The following KLF8 variants were observed in gnomAD, a reference collection of about 807,000 sequenced individuals.
KLF8 encodes Krueppel-like factor 8.
Under a neutral mutation model 18.2 loss-of-function variants are expected in KLF8, and 10 were observed. The observed-to-expected ratio is 0.55, with a 90% CI of 0.34 to 0.93. KLF8 has a LOEUF of 0.93. KLF8 is among the 40% of genes least tolerant of loss of function. KLF8 has a pLI of 0.02. For missense variants in KLF8, 264 were observed against 277.9 expected, an observed-to-expected ratio of 0.95 and a Z score of 0.36; for synonymous variants, 109 against 97.3, an observed-to-expected ratio of 1.12 and a Z score of -0.71.
chrX:56,182,724 T>C, the KLF8 span, among the ~76,000 whole-genome samples: 4 of 112,749 alleles, frequency 3.5e-5, no homozygotes, highest in East Asian at 2.8e-4. Flanking sequence ...TTGGAGTTTG[T>C]AGGAGGTCCC....
At chrX:56,053,739 G>T in the KLF8 span, among the ~76,000 whole-genome samples, 1 of 109,477 alleles carries the variant, frequency 9.1e-6, no homozygotes, top group African/African-American at 3.3e-5. Flanking sequence ...TCTTGGGAGG[G>T]TGTATGTGTC....
At chrX:56,207,846 A>G in the KLF8 span, among the ~76,000 whole-genome samples, 1 of 110,351 alleles carries the variant, frequency 9.1e-6, no homozygotes, top group African/African-American at 3.3e-5. Flanking sequence ...GTCTGTTCTC[A>G]TGCTGCTTAC....
chrX:56,128,454 G>T, the KLF8 span, among the ~76,000 whole-genome samples: 1 of 111,405 alleles, frequency 9.0e-6, no homozygotes, highest in Non-Finnish European at 1.9e-5. Flanking sequence ...CAGAGCTTTG[G>T]CAGAAAAATC....
the KLF8 span, among the ~76,000 whole-genome samples, chrX:56,154,462 A>T: frequency 2.7e-5 from 3 of 112,008 alleles, no homozygotes; most frequent in African/African-American, 9.8e-5. Flanking sequence ...TTCAAGATGG[A>T]TGAAAGACTT....
chrX:56,264,258 GT>G (rs758358647), intron 2 of KLF8, among the ~76,000 whole-genome samples: 3 of 109,602 alleles, frequency 2.7e-5, no homozygotes, highest in East Asian at 5.7e-4. Flanking sequence ...TCATTTATTA[GT>G]TTTTTAAAAA....
At chrX:56,013,244 C>G in the KLF8 span, among the ~76,000 whole-genome samples, 23 of 112,571 alleles carry the variant, frequency 2.0e-4, no homozygotes, top group Non-Finnish European at 3.9e-4. Flanking sequence ...TGGATGGGGC[C>G]TGTAGCCCCT....
chrX:56,154,112 C>T, the KLF8 span, among the ~76,000 whole-genome samples: 1 of 111,026 alleles, frequency 9.0e-6, no homozygotes, highest in African/African-American at 3.3e-5. Flanking sequence ...AAAAAAGAGC[C>T]CACATCGCCA....
At chrX:56,187,411 C>A in the KLF8 span, among the ~76,000 whole-genome samples, 1 of 111,557 alleles carries the variant, frequency 9.0e-6, no homozygotes. Flanking sequence ...AGTCCACGAC[C>A]AGATGAATTC....
chrX:55,991,579 C>T, the KLF8 span, among the ~76,000 whole-genome samples: 5 of 111,451 alleles, frequency 4.5e-5, no homozygotes, highest in East Asian at 8.5e-4. Flanking sequence ...AGAAATCACC[C>T]GTCTTCTGTG....
At chrX:56,270,603 C>A (rs1031210058) in intron 5 of KLF8, among the ~76,000 whole-genome samples, 6 of 111,091 alleles carry the variant, frequency 5.4e-5, no homozygotes, top group Non-Finnish European at 9.4e-5. Context: ...AATCTGGTGT[C>A]TTAATAGTCA....
the KLF8 span, among the ~76,000 whole-genome samples, chrX:56,082,967 C>G: frequency 1.8e-5 from 2 of 112,084 alleles, no homozygotes; most frequent in Non-Finnish European, 3.8e-5. Context: ...AAGACTCTGT[C>G]TTTGACTTTT....
chrX:56,101,051 T>C, the KLF8 span, among the ~76,000 whole-genome samples: 1 of 111,352 alleles, frequency 9.0e-6, no homozygotes, highest in Non-Finnish European at 1.9e-5. Flanking sequence ...GTTTGGGATA[T>C]GGATGATTCT....
chrX:56,107,628 C>T, the KLF8 span, among the ~76,000 whole-genome samples: 1 of 111,536 alleles, frequency 9.0e-6, no homozygotes, highest in Non-Finnish European at 1.9e-5. Flanking sequence ...AAGTCTGTCA[C>T]GGAGTCCCTT....
intron 5 of KLF8, among the ~76,000 whole-genome samples, chrX:56,278,318 G>T (rs770717963): frequency 9.0e-6 from 1 of 111,286 alleles, no homozygotes; most frequent in South Asian, 3.8e-4. Context: ...TACTACCTAA[G>T]TTTTGCTACT....
the KLF8 span, among the ~76,000 whole-genome samples, chrX:55,987,327 T>A: frequency 1.8e-5 from 2 of 110,667 alleles, no homozygotes; most frequent in African/African-American, 6.6e-5. Flanking sequence ...ATTAGGTATA[T>A]CTCCTAATGC....
the KLF8 span, among the ~76,000 whole-genome samples, chrX:56,058,444 C>G: frequency 9.9e-6 from 1 of 101,123 alleles, no homozygotes; most frequent in South Asian, 4.8e-4. Flanking sequence ...CACCCATCAG[C>G]CCGTCACCTA....
chrX:56,045,837 C>T, the KLF8 span, among the ~76,000 whole-genome samples: 1 of 110,662 alleles, frequency 9.0e-6, no homozygotes, highest in Non-Finnish European at 1.9e-5. Flanking sequence ...GGTACATGAC[C>T]ATATCATCAG....
chrX:56,033,723 A>T, the KLF8 span, among the ~76,000 whole-genome samples: 1 of 111,658 alleles, frequency 9.0e-6, no homozygotes. Flanking sequence ...AGGTTATATT[A>T]TATTGTGGTT....
chrX:56,000,972 G>A, the KLF8 span, among the ~76,000 whole-genome samples: 1 of 111,736 alleles, frequency 8.9e-6, no homozygotes, highest in East Asian at 2.8e-4. Flanking sequence ...TGCTAGAATT[G>A]CTTGGAAGCT....
Sources: allele counts gnomAD v4.1 joint callset (sites outside exome capture counted in the v4.1 genomes callset), GRCh38; gene constraint gnomAD v4.1.1; transcripts MANE v1.5; gene names NCBI Gene and HGNC (gene_info 2026-07-23, HGNC 2026-07-21).